RNF216: variants seen among roughly 807,000 people sequenced by gnomAD.
RNF216 encodes ring finger protein 216.
A neutral mutation model predicts 110.8 loss-of-function variants in RNF216; 72 were observed. The ratio of observed to expected loss-of-function variants is 0.65; its 90% CI spans 0.54 to 0.79. RNF216 has a LOEUF of 0.79. RNF216 is among the 30% of genes least tolerant of loss of function. RNF216 has a pLI of 0.00. For missense variants in RNF216, 1,342 were observed against 1,141.2 expected, an observed-to-expected ratio of 1.18 and a Z score of -2.54; for synonymous variants, 495 against 407.5, an observed-to-expected ratio of 1.21 and a Z score of -2.59.
At chr7:5,760,649 C>A in intron 2 of RNF216, 2 of 325,860 alleles carry the variant, frequency 6.1e-6, no homozygotes, top group East Asian at 8.1e-5. Context: ...ACTGGTTCAG[C>A]AACACCTGCA....
chr7:5,683,079 C>T, intron 13 of RNF216, among the ~76,000 whole-genome samples: 1 of 152,140 alleles, frequency 6.6e-6, no homozygotes, highest in East Asian at 1.9e-4. Flanking sequence ...AAAAACAAAA[C>T]CGCAGGGCAC....
At chr7:5,713,920 C>G (rs1203988725) in intron 11 of RNF216, among the ~76,000 whole-genome samples, 1 of 152,220 alleles carries the variant, frequency 6.6e-6, no homozygotes, top group East Asian at 1.9e-4. Context: ...CTCAAGATCA[C>G]AGGGCTAGTA....
intron 14 of RNF216, among the ~76,000 whole-genome samples, chr7:5,647,001 C>T (rs1401741271): frequency 6.6e-6 from 1 of 152,088 alleles, no homozygotes; most frequent in Non-Finnish European, 1.5e-5. Context: ...CTAGATCTGT[C>T]TTGGCTTGCC....
intron 3 of RNF216, among the ~76,000 whole-genome samples, chr7:5,750,966 C>G (rs1584570937): frequency 6.6e-6 from 1 of 152,212 alleles, no homozygotes; most frequent in African/African-American, 2.4e-5. Context: ...GCAAGTATTG[C>G]AGAGCAGACT....
At chr7:5,757,413 T>TGA (rs2128667906) in intron 2 of RNF216, among the ~76,000 whole-genome samples, 1 of 8,628 alleles carries the variant, frequency 1.2e-4, no homozygotes, top group South Asian at 0.013. Flanking sequence ...CAGCTCTTTT[T>TGA]GTGTGTGTGT....
In RNF216 at chr7:5,712,700, T is replaced by A. The variant is rs1792788783; in HGVS notation, c.1982+15A>T. ...GGAAGAGTTGGCAGATGGCACGCTCTGCCTGAGAACGAACCTGACAAGCTC... is the reference window on the plus strand; with the variant it reads ...GGAAGAGTTGGCAGATGGCACGCTCAGCCTGAGAACGAACCTGACAAGCTC... On this transcript the variant is annotated intron_variant, in intron 12 of 16. Transcript: ENST00000389902. 6.2e-7 allele frequency: 1 copy of A among 1,613,786 alleles called. No individual in the cohort carries two copies. Among genetic ancestry groups the A allele is most frequent in the Non-Finnish European group, 8.5e-7 (1 of 1,179,790 alleles).
intron 1 of RNF216, among the ~76,000 whole-genome samples, chr7:5,779,139 G>C (rs1035914273): frequency 6.6e-6 from 1 of 152,208 alleles, no homozygotes; most frequent in Non-Finnish European, 1.5e-5. Context: ...GCAATGCCTA[G>C]AATTTTGTAA....
intron 1 of RNF216, among the ~76,000 whole-genome samples, chr7:5,773,286 G>A (rs1796598778): frequency 6.7e-6 from 1 of 149,510 alleles, no homozygotes; most frequent in South Asian, 2.1e-4. Flanking sequence ...ACTGTCACCT[G>A]GGCTGGAGTG....
intron 6 of RNF216, 87 bp from the exon 7 acceptor site, chr7:5,729,683 AAAGAATAACAT>A: frequency 1.8e-6 from 2 of 1,116,208 alleles, no homozygotes; most frequent in Non-Finnish European, 1.3e-6. Context: ...CATGTGTAGA[AAAGAATAACAT>A]TTGTTCTAAT....
chr7:5,781,039 C>T (rs1797058267), intron 1 of RNF216, among the ~76,000 whole-genome samples: 1 of 152,216 alleles, frequency 6.6e-6, no homozygotes, highest in African/African-American at 2.4e-5. Context: ...CTCGCGAGTG[C>T]CGGGTGACAG....
At chr7:5,643,209 TCCA>T (rs1331839699) in intron 14 of RNF216, among the ~76,000 whole-genome samples, 3 of 152,112 alleles carry the variant, frequency 2.0e-5, no homozygotes, top group Non-Finnish European at 2.9e-5. Context: ...TGCACAAATG[TCCA>T]CTCAAGTCCT....
chr7:5,656,582 G>A (rs1309039828), intron 13 of RNF216, among the ~76,000 whole-genome samples: 2 of 152,150 alleles, frequency 1.3e-5, no homozygotes, highest in African/African-American at 4.8e-5. Context: ...GAGCATGCAT[G>A]CTGGGTAGTT....
At chr7:5,747,606 T>C (rs978205641) in intron 3 of RNF216, among the ~76,000 whole-genome samples, 22 of 151,388 alleles carry the variant, frequency 1.5e-4, no homozygotes, top group African/African-American at 5.3e-4. Flanking sequence ...GAGACAAAGG[T>C]CATGCACGGT....
At chr7:5,767,170 G>A (rs1359816188) in intron 1 of RNF216, among the ~76,000 whole-genome samples, 2 of 152,142 alleles carry the variant, frequency 1.3e-5, no homozygotes, top group Non-Finnish European at 2.9e-5. Context: ...CAGAAAGGAC[G>A]AATATATAAA....
intron 14 of RNF216, among the ~76,000 whole-genome samples, chr7:5,642,060 A>C (rs1787768173): frequency 1.3e-5 from 2 of 151,224 alleles, no homozygotes; most frequent in South Asian, 4.2e-4. Flanking sequence ...AAAAAAAAGA[A>C]AGAAAGAAAA....
intron 15 of RNF216, among the ~76,000 whole-genome samples, chr7:5,625,480 TGGAAG>T (rs1266882672): frequency 2.6e-5 from 4 of 152,178 alleles, no homozygotes; most frequent in African/African-American, 9.7e-5. Context: ...GAGCAGCAAC[TGGAAG>T]GAAGACAATC....
At chr7:5,711,560 G>C (rs1371517316) in intron 13 of RNF216, among the ~76,000 whole-genome samples, 2 of 152,160 alleles carry the variant, frequency 1.3e-5, no homozygotes. Context: ...TTTGTAACTG[G>C]AGTGGCAAGA....
At chr7:5,755,229 G>C (rs541479122) in intron 2 of RNF216, among the ~76,000 whole-genome samples, 24 of 87,178 alleles carry the variant, frequency 2.8e-4, no homozygotes, top group African/African-American at 9.8e-4. Context: ...AAGGAAGGGA[G>C]GGAAGGATGA....
At chr7:5,631,513 C>T (rs1441614993) in intron 15 of RNF216, among the ~76,000 whole-genome samples, 1 of 152,198 alleles carries the variant, frequency 6.6e-6, no homozygotes, top group Non-Finnish European at 1.5e-5. Context: ...TTTGGTCCAT[C>T]TCAAAGGCAG....
Sources: allele counts gnomAD v4.1 joint callset (sites outside exome capture counted in the v4.1 genomes callset), GRCh38; gene constraint gnomAD v4.1.1; transcripts MANE v1.5; gene names NCBI Gene and HGNC (gene_info 2026-07-23, HGNC 2026-07-21).